Variants in HEXB observed in about 807,000 individuals in gnomAD.
HEXB encodes beta-hexosaminidase subunit beta.
HEXB carries 51 observed loss-of-function variants against 71.2 expected under a neutral mutation model. The ratio of observed to expected loss-of-function variants is 0.72; its 90% CI spans 0.57 to 0.90. The LOEUF is 0.90. Ranked by LOEUF, HEXB falls within the 40% of genes least tolerant of loss-of-function variation. The pLI is 0.00. For missense variants in HEXB, 617 were observed against 677.0 expected (o/e 0.91, Z 0.98); for synonymous variants, 266 against 249.3 (o/e 1.07, Z -0.63).
intron 1 of HEXB, among the ~76,000 whole-genome samples, chr5:74,667,323 G>A (rs754221237): frequency 6.6e-6 from 1 of 152,056 alleles, no homozygotes; most frequent in African/African-American, 2.4e-5. Flanking sequence ...GGAGGCTGAG[G>A]CAGGAGAATC....
chr5:74,695,335 C>T (rs1327597876), intron 3 of HEXB, among the ~76,000 whole-genome samples: 1 of 150,238 alleles, frequency 6.7e-6, no homozygotes, highest in Non-Finnish European at 1.5e-5. Context: ...TCCCGAGTAG[C>T]TGGTACTACA....
chr5:74,664,384 C>T (rs562598088), intron 1 of HEXB, among the ~76,000 whole-genome samples: 5 of 140,846 alleles, frequency 3.5e-5, no homozygotes, highest in South Asian at 2.3e-4. Context: ...TAGCTATGAT[C>T]GTGCCATTGC....
chr5:74,684,084 G>T (rs1441924315), upstream of HEXB, among the ~76,000 whole-genome samples: 6 of 152,174 alleles, frequency 3.9e-5, no homozygotes, highest in African/African-American at 1.4e-4. Flanking sequence ...CTTCCAAAGT[G>T]CTGGGATTTC....
intron 6 of HEXB, among the ~76,000 whole-genome samples, chr5:74,708,661 C>T (rs564492436): frequency 6.6e-6 from 1 of 151,916 alleles, no homozygotes; most frequent in Non-Finnish European, 1.5e-5. Context: ...ATAAAACAGA[C>T]TTTTAAACCA....
chr5:74,709,024 T>C (rs955262318), intron 6 of HEXB, among the ~76,000 whole-genome samples: 2 of 151,602 alleles, frequency 1.3e-5, no homozygotes, highest in African/African-American at 4.8e-5. Flanking sequence ...TATTCCAAAA[T>C]TGACCACATA....
At chr5:74,661,511 C>CTGTGTG (rs1478195245) in intron 1 of HEXB, among the ~76,000 whole-genome samples, 19 of 127,822 alleles carry the variant, frequency 1.5e-4, no homozygotes, top group East Asian at 9.5e-4. Flanking sequence ...TTTTCTCTCT[C>CTGTGTG]TCTGTGTGTG....
intron 1 of HEXB, among the ~76,000 whole-genome samples, chr5:74,687,073 G>C (rs553918799): frequency 2.0e-5 from 3 of 152,198 alleles, no homozygotes; most frequent in Non-Finnish European, 4.4e-5. Context: ...AGGCATGTGC[G>C]GGTGATTACC....
intron 3 of HEXB, among the ~76,000 whole-genome samples, chr5:74,696,321 T>TAAG (rs1416725476): frequency 6.6e-6 from 1 of 152,224 alleles, no homozygotes; most frequent in Non-Finnish European, 1.5e-5. Context: ...AGATACCTTC[T>TAAG]AAAAGTGACT....
At chr5:74,682,220 T>C (rs1346043278), upstream of HEXB, among the ~76,000 whole-genome samples, 2 of 152,040 alleles carry the variant, frequency 1.3e-5, no homozygotes, top group East Asian at 3.9e-4. Context: ...TAGCCGGGCG[T>C]GGTGGCGGGC....
rs112677493 is a variant in HEXB, at chr5:74,710,464, A to G, written c.772-3042A>G. ...GCAATTAGGCAGGAGAAGGAAATAAAAGGTATTCAATTAGGAAAAGAGGAA... is the reference window on the plus strand; with the variant it reads ...GCAATTAGGCAGGAGAAGGAAATAAGAGGTATTCAATTAGGAAAAGAGGAA... On this transcript the variant is annotated intron_variant, in intron 6 of 13. Coordinates refer to ENST00000261416, the MANE Select transcript of HEXB (RefSeq NM_000521.4). Among the ~76,000 whole-genome samples, 13 of 152,308 alleles carry G rather than the reference A, an allele frequency of 8.5e-5. No individual in the cohort carries two copies. The South Asian group carries it at 2.7e-3, about 32-fold the overall frequency.
chr5:74,707,969 A>G (rs1383842534), intron 6 of HEXB, among the ~76,000 whole-genome samples: 9 of 152,192 alleles, frequency 5.9e-5, no homozygotes, highest in African/African-American at 2.2e-4. Context: ...GAGAAGAGCA[A>G]CTCCAAGACA....
intron 10 of HEXB, 125 bp downstream of exon 10, chr5:74,718,488 A>G: frequency 1.2e-6 from 1 of 813,172 alleles, no homozygotes; most frequent in Non-Finnish European, 2.2e-6. Flanking sequence ...ACCACTTTGG[A>G]CCTCATAGTT....
intron 1 of HEXB, among the ~76,000 whole-genome samples, chr5:74,658,077 T>C (rs1748252970): frequency 6.6e-6 from 1 of 152,136 alleles, no homozygotes. Context: ...CATCTTGAAA[T>C]ACTGAAGGCC....
At chr5:74,703,401 C>G (rs76206682) in intron 5 of HEXB, among the ~76,000 whole-genome samples, 1 of 152,290 alleles carries the variant, frequency 6.6e-6, no homozygotes, top group African/African-American at 2.4e-5. Flanking sequence ...TTCCCTGTCC[C>G]GGTCTTTTCT....
At chr5:74,683,624 C>G (rs573049637), upstream of HEXB, among the ~76,000 whole-genome samples, 1 of 151,394 alleles carries the variant, frequency 6.6e-6, no homozygotes, top group East Asian at 2.0e-4. Flanking sequence ...TTTCTGTGAC[C>G]CATTTTGAAA....
intron 13 of HEXB, 63 bp downstream of exon 13, chr5:74,720,810 C>T: frequency 1.5e-6 from 2 of 1,301,692 alleles, no homozygotes; most frequent in South Asian, 2.4e-5. Context: ...GTTTCTTTTG[C>T]TATAAATAGA....
intron 1 of HEXB, among the ~76,000 whole-genome samples, chr5:74,642,324 T>C (rs1394914150): frequency 6.6e-6 from 1 of 151,900 alleles, no homozygotes; most frequent in African/African-American, 2.4e-5. Flanking sequence ...CCCGGATCAA[T>C]TCATGTCAAG....
chr5:74,659,493 C>G (rs1010297355), intron 1 of HEXB, among the ~76,000 whole-genome samples: 1 of 152,020 alleles, frequency 6.6e-6, no homozygotes, highest in African/African-American at 2.4e-5. Flanking sequence ...AAAGTTATTG[C>G]AGGGTAGTGA....
chr5:74,696,960 A>G, intron 4 of HEXB, 36 bp from the exon 5 acceptor site: 1 of 1,132,748 alleles, frequency 8.8e-7, no homozygotes, highest in Middle Eastern at 1.9e-4. Context: ...ACAACAGAAA[A>G]TTCTAAAACT....
Sources: gnomAD v4.1 joint callset for allele counts (sites outside exome capture counted in the v4.1 genomes callset) on GRCh38, gnomAD v4.1.1 for gene constraint, MANE v1.5 for transcripts, NCBI Gene and HGNC (gene_info 2026-07-23, HGNC 2026-07-21) for gene names.